SEMA5A: variants seen among roughly 807,000 people sequenced by gnomAD.
SEMA5A encodes semaphorin 5A.
In SEMA5A, 55 loss-of-function variants were observed where a neutral mutation model predicts 135.5. That is an observed-to-expected ratio of 0.41 (90% CI 0.33 to 0.51). The LOEUF is 0.51. SEMA5A is among the 20% of genes least tolerant of loss of function. The pLI is 0.37. For synonymous variants in SEMA5A, 580 were observed against 546.5 expected, an observed-to-expected ratio of 1.06 and a Z score of -0.85; for missense variants, 1,290 against 1,419.9, an observed-to-expected ratio of 0.91 and a Z score of 1.47.
chr5:9,119,083 C>T lies in SEMA5A; in HGVS notation c.1840G>A (p.Gly614Ser). 6.2e-7 allele frequency: 1 copy of T among 1,613,784 alleles called. No individual in the cohort carries two copies. Among genetic ancestry groups the T allele is most frequent in the East Asian group, 2.2e-5 (1 of 44,852 alleles). The change falls in exon 15 of 23, where the codon GGC becomes AGC. Residue 614 changes from glycine (G) to serine (S), a missense_variant. Coordinates refer to ENST00000382496, the MANE Select transcript of SEMA5A (RefSeq NM_003966.3). ...WSPCSTTCGIGFQVRQRSCSN... is the reference protein window; with the variant it reads ...WSPCSTTCGISFQVRQRSCSN... ...CAGGAGCGCTGCCGCACCTGGAAGC[C>T]GATCCCACAGGTAGTGCTGCAGGGA...
chr5:9,421,878 AAG>A (rs2126633305), intron 2 of SEMA5A, among the ~76,000 whole-genome samples: 1 of 152,310 alleles, frequency 6.6e-6, no homozygotes, highest in South Asian at 2.1e-4. Flanking sequence ...ATCAATTTGT[AAG>A]AGCTCTTTGT....
chr5:9,254,212 C>T (rs1415094758), intron 5 of SEMA5A, among the ~76,000 whole-genome samples: 1 of 152,072 alleles, frequency 6.6e-6, no homozygotes, highest in Non-Finnish European at 1.5e-5. Context: ...ATGAGCTTTT[C>T]TAAAGCCTGC....
At chr5:9,544,012 CTAAAA>C (rs1176989249) in intron 1 of SEMA5A, among the ~76,000 whole-genome samples, 1 of 152,126 alleles carries the variant, frequency 6.6e-6, no homozygotes, top group African/African-American at 2.4e-5. Context: ...ATTACACTCT[CTAAAA>C]TAATGAAACT....
intron 5 of SEMA5A, among the ~76,000 whole-genome samples, chr5:9,285,672 C>A (rs1471472982): frequency 2.0e-5 from 3 of 152,162 alleles, no homozygotes; most frequent in African/African-American, 4.8e-5. Context: ...ATCATTCCTC[C>A]ACAGGCAGGC....
intron 1 of SEMA5A, among the ~76,000 whole-genome samples, chr5:9,474,105 AG>A: frequency 6.6e-6 from 1 of 152,188 alleles, no homozygotes; most frequent in East Asian, 1.9e-4. Flanking sequence ...AGTATAATAA[AG>A]GAGGGGCTAA....
At chr5:9,066,736 C>G (rs1409444620) in intron 16 of SEMA5A, 90 bp from the exon 17 acceptor site, 18 of 1,076,034 alleles carry the variant, frequency 1.7e-5, no homozygotes, top group Non-Finnish European at 2.5e-5. Context: ...AGATAAGGGT[C>G]TCTAAAACAC....
chr5:9,040,150 A>C lies in SEMA5A; in HGVS notation c.*2747T>G, dbSNP rs1264072053. ...TTTGTTCCACTTGTACCAAGAAAAT[A>C]GGAAGAAAGGAAGAATTAAAGAAAG... On this transcript the variant is annotated 3_prime_UTR_variant, in exon 23 of 23. Coordinates refer to ENST00000382496, the MANE Select transcript of SEMA5A (RefSeq NM_003966.3). The C allele has an allele frequency of 1.3e-5, 2 of 152,250 alleles. No individual in the cohort carries two copies. The highest frequency in any genetic ancestry group is 4.8e-5 in the African/African-American group (2 of 41,472). The allele number at this position is 152,250 out of a possible 1,614,324, so 9.4% of individuals were successfully genotyped here.
chr5:9,450,756 CAA>C (rs755349461), intron 1 of SEMA5A, among the ~76,000 whole-genome samples: 76 of 128,950 alleles, frequency 5.9e-4, no homozygotes, highest in Non-Finnish European at 4.6e-4. Context: ...TCTACCACAT[CAA>C]AAAAAAAAAA....
chr5:9,384,591 G>GATAC (rs1387352959), intron 2 of SEMA5A, among the ~76,000 whole-genome samples: 1 of 103,554 alleles, frequency 9.7e-6, no homozygotes, highest in African/African-American at 3.8e-5. Flanking sequence ...TAGATAGATA[G>GATAC]ATAGATAGAT....
chr5:9,268,381 G>C (rs1369863732), intron 5 of SEMA5A, among the ~76,000 whole-genome samples: 2 of 152,134 alleles, frequency 1.3e-5, no homozygotes, highest in African/African-American at 4.8e-5. Context: ...CTGGAAGGAT[G>C]ACTGAACAAA....
intron 2 of SEMA5A, among the ~76,000 whole-genome samples, chr5:9,422,779 A>T (rs574480032): frequency 6.6e-6 from 1 of 152,286 alleles, no homozygotes; most frequent in South Asian, 2.1e-4. Context: ...TTTTTATCAG[A>T]CTATTATTGG....
At chr5:9,348,148 G>A (rs972280580) in intron 3 of SEMA5A, among the ~76,000 whole-genome samples, 1 of 152,190 alleles carries the variant, frequency 6.6e-6, no homozygotes, top group African/African-American at 2.4e-5. Flanking sequence ...AAAGTTGTCT[G>A]TAATCTGAGT....
At position 9,118,425 on chromosome 5, in the gene SEMA5A, C is replaced by T. The variant is rs1384977557; in HGVS notation, c.1925+573G>A. On this transcript the variant is annotated intron_variant, in intron 15 of 22. Coordinates refer to ENST00000382496, the MANE Select transcript of SEMA5A (RefSeq NM_003966.3). ...TACACCAAGAAACAAATTGTTAAAT[C>T]CAAGACTAAATCAAAATGTTGCCAT... 2.0e-5 allele frequency among the ~76,000 whole-genome samples: 3 copies of T among 152,134 alleles called. No individual in the cohort carries two copies. In the South Asian group the frequency reaches 6.2e-4, roughly 32 times the overall value.
chr5:9,461,780 C>T (rs1161753528), intron 1 of SEMA5A, among the ~76,000 whole-genome samples: 5 of 152,148 alleles, frequency 3.3e-5, no homozygotes, highest in South Asian at 4.1e-4. Context: ...AGACAGGCAA[C>T]GATTCTTTTA....
At chr5:9,101,414 G>T (rs1739625809) in intron 16 of SEMA5A, among the ~76,000 whole-genome samples, 1 of 152,044 alleles carries the variant, frequency 6.6e-6, no homozygotes, top group Non-Finnish European at 1.5e-5. Context: ...CTACTTCATT[G>T]GATTATTGGG....
chr5:9,217,590 A>G (rs1746700772), intron 8 of SEMA5A, among the ~76,000 whole-genome samples: 1 of 152,142 alleles, frequency 6.6e-6, no homozygotes. Context: ...ATGTTTTCCA[A>G]TTTGTTTGCT....
At chr5:9,113,634 G>A (rs1171189991) in intron 15 of SEMA5A, among the ~76,000 whole-genome samples, 4 of 151,962 alleles carry the variant, frequency 2.6e-5, no homozygotes, top group African/African-American at 9.7e-5. Flanking sequence ...AGAAAAACAG[G>A]CAAAATATTT....
intron 8 of SEMA5A, among the ~76,000 whole-genome samples, chr5:9,221,943 C>G (rs1747025132): frequency 6.6e-6 from 1 of 152,112 alleles, no homozygotes; most frequent in Non-Finnish European, 1.5e-5. Flanking sequence ...CGGAGCTGAC[C>G]TGAGGGCCTC....
intron 2 of SEMA5A, among the ~76,000 whole-genome samples, chr5:9,428,533 C>G (rs891903393): frequency 6.6e-6 from 1 of 152,156 alleles, no homozygotes; most frequent in African/African-American, 2.4e-5. Flanking sequence ...CCTTCCTTTT[C>G]TGTTCTCTTC....
Sources: allele counts gnomAD v4.1 joint callset (sites outside exome capture counted in the v4.1 genomes callset), GRCh38; gene constraint gnomAD v4.1.1; transcripts MANE v1.5; gene names NCBI Gene and HGNC (gene_info 2026-07-23, HGNC 2026-07-21).